The following DCAF8L2 variants were observed in gnomAD, a reference collection of about 807,000 sequenced individuals.
DCAF8L2 encodes the protein DDB1- and CUL4-associated factor 8-like protein 2.
For missense variants in DCAF8L2, 430 were observed against 490.7 expected (o/e 0.88, Z 1.17); for synonymous variants, 200 against 190.9 (o/e 1.05, Z -0.39).
At position 27,747,252 on chromosome X, in the gene DCAF8L2, G is replaced by A; in HGVS notation, c.357G>A (p.Glu119=). 2 of 1,141,983 alleles carry A rather than the reference G, an allele frequency of 1.8e-6. No individual in the cohort carries two copies. Among genetic ancestry groups the A allele is most frequent in the Non-Finnish European group, 2.3e-6 (2 of 859,549 alleles). The allele number at this position is 1,141,983 out of a possible 1,213,427, so 94.1% of individuals were successfully genotyped here. ...CAGAAAGGGAGGAGGAAGACGAAGA[G>A]ATACAAGAGGAGGGAGGGGAGGAGG... The part of the protein sequence containing the change: ...EETEREEEDE[E]IQEEGGEEEE... Residue 119 remains glutamate (E), a synonymous_variant, in exon 5 of 5, where the codon GAG becomes GAA. Coordinates refer to ENST00000451261, the MANE Select transcript of DCAF8L2 (RefSeq NM_001353450.2).
chrX:27,562,141 A>C, the DCAF8L2 span, among the ~76,000 whole-genome samples: 5 of 112,111 alleles, frequency 4.5e-5, no homozygotes, highest in Non-Finnish European at 9.4e-5. Context: ...TTTGATTTGC[A>C]CTTCCCTAAT....
the DCAF8L2 span, among the ~76,000 whole-genome samples, chrX:27,521,941 C>T: frequency 8.9e-6 from 1 of 112,081 alleles, no homozygotes; most frequent in Non-Finnish European, 1.9e-5. Context: ...GAAAGGGGGA[C>T]ATATGTTTGG....
the DCAF8L2 span, among the ~76,000 whole-genome samples, chrX:27,509,695 G>A: frequency 6.7e-3 from 747 of 111,600 alleles, 17 homozygotes; most frequent in East Asian, 0.11. Flanking sequence ...ACCATGATAA[G>A]ATTTACTCTT....
At chrX:27,560,111 C>CA in the DCAF8L2 span, among the ~76,000 whole-genome samples, 1 of 109,634 alleles carries the variant, frequency 9.1e-6, no homozygotes. Context: ...ACTAAAAATA[C>CA]AAAAAATTAG....
the DCAF8L2 span, among the ~76,000 whole-genome samples, chrX:27,495,450 C>T: frequency 8.9e-6 from 1 of 111,809 alleles, no homozygotes; most frequent in African/African-American, 3.2e-5. Flanking sequence ...AAAAGTGAGG[C>T]TGAGATTTTA....
At chrX:27,683,420 G>T (rs1930393732) in intron 3 of DCAF8L2, among the ~76,000 whole-genome samples, 1 of 112,034 alleles carries the variant, frequency 8.9e-6, no homozygotes, top group Admixed American at 9.5e-5. Flanking sequence ...TCCAAATTAG[G>T]CTTCTATACA....
chrX:27,528,026 A>AATTAAATTTTTAATTTAATTAATTATT, the DCAF8L2 span, among the ~76,000 whole-genome samples: 2 of 98,291 alleles, frequency 2.0e-5, no homozygotes, highest in African/African-American at 8.6e-5. Flanking sequence ...ATTAATTATT[A>AATTAAATTTTTAATTTAATTAATTATT]AATTAAATTT....
intron 2 of DCAF8L2, among the ~76,000 whole-genome samples, chrX:27,673,555 GATA>G (rs1458029221): frequency 3.8e-5 from 4 of 105,941 alleles, no homozygotes; most frequent in Non-Finnish European, 7.8e-5. Flanking sequence ...TATTAGTAAG[GATA>G]ATAATAATAA....
chrX:27,529,605 T>C, the DCAF8L2 span, among the ~76,000 whole-genome samples: 1 of 111,668 alleles, frequency 9.0e-6, no homozygotes, highest in South Asian at 3.7e-4. Flanking sequence ...TAAGGACATG[T>C]AGGGTTGAAA....
At chrX:27,708,314 A>G (rs927210260) in intron 3 of DCAF8L2, among the ~76,000 whole-genome samples, 21 of 111,942 alleles carry the variant, frequency 1.9e-4, no homozygotes, top group African/African-American at 6.5e-4. Flanking sequence ...ATGTTGCTGC[A>G]AAGGACATGA....
the DCAF8L2 span, among the ~76,000 whole-genome samples, chrX:27,504,412 A>C: frequency 7.1e-5 from 8 of 112,054 alleles, no homozygotes; most frequent in African/African-American, 2.6e-4. Flanking sequence ...AATATGGTAC[A>C]CATGTTATTC....
intron 4 of DCAF8L2, among the ~76,000 whole-genome samples, chrX:27,734,819 G>A (rs927621321): frequency 4.5e-5 from 5 of 111,357 alleles, no homozygotes; most frequent in South Asian, 7.5e-4. Context: ...TGAAATTCAC[G>A]AGTGTCCAGT....
At chrX:27,481,257 A>G in the DCAF8L2 span, among the ~76,000 whole-genome samples, 1 of 110,453 alleles carries the variant, frequency 9.1e-6, no homozygotes, top group Non-Finnish European at 1.9e-5. Context: ...AGACGCCTGT[A>G]ATCCCAGCTA....
At chrX:27,627,559 G>GTC (rs1928080010) in intron 1 of DCAF8L2, 1 of 107,237 alleles carries the variant, frequency 9.3e-6, no homozygotes. Flanking sequence ...GTGTGTGTGT[G>GTC]TGTGTGTGTG....
the DCAF8L2 span, among the ~76,000 whole-genome samples, chrX:27,550,968 C>A: frequency 9.1e-6 from 1 of 110,224 alleles, no homozygotes; most frequent in Non-Finnish European, 1.9e-5. Flanking sequence ...ATTATTATAT[C>A]TCTTATGGTG....
At chrX:27,612,800 G>A (rs1319325759) in intron 1 of DCAF8L2, among the ~76,000 whole-genome samples, 1 of 111,423 alleles carries the variant, frequency 9.0e-6, no homozygotes, top group Non-Finnish European at 1.9e-5. Context: ...GTGTTCCATT[G>A]GTCTATATCT....
At chrX:27,616,772 T>G (rs1216218968) in intron 1 of DCAF8L2, among the ~76,000 whole-genome samples, 1 of 111,206 alleles carries the variant, frequency 9.0e-6, no homozygotes, top group African/African-American at 3.3e-5. Flanking sequence ...GGGGTAATTG[T>G]CCTAGGGAAA....
chrX:27,618,502 G>C (rs1226069350), intron 1 of DCAF8L2, among the ~76,000 whole-genome samples: 1 of 111,765 alleles, frequency 8.9e-6, no homozygotes, highest in African/African-American at 3.2e-5. Context: ...TTAGACACAA[G>C]TAGCTATGGC....
At chrX:27,483,017 A>G in the DCAF8L2 span, among the ~76,000 whole-genome samples, 1 of 111,715 alleles carries the variant, frequency 9.0e-6, no homozygotes, top group Non-Finnish European at 1.9e-5. Flanking sequence ...GGTAACATAA[A>G]ACCACAAATA....
Sources: gnomAD v4.1 joint callset for allele counts (sites outside exome capture counted in the v4.1 genomes callset) on GRCh38, gnomAD v4.1.1 for gene constraint, MANE v1.5 for transcripts, NCBI Gene and HGNC (gene_info 2026-07-23, HGNC 2026-07-21) for gene names.